ARHGAP42: variants seen among roughly 807,000 people sequenced by gnomAD.
The protein encoded by ARHGAP42 is Rho GTPase activating protein 42, also known as rho GTPase-activating protein 42.
Under a neutral mutation model 125.0 loss-of-function variants are expected in ARHGAP42, and 63 were observed. That is an observed-to-expected ratio of 0.50 (90% confidence interval 0.41 to 0.62). The LOEUF (loss-of-function observed/expected upper bound fraction) is 0.62, where lower values mean the gene tolerates loss of function less well. ARHGAP42 is among the 20% of genes least tolerant of loss of function. The pLI, the probability that ARHGAP42 is intolerant of heterozygous loss-of-function variation, is 0.00. For synonymous variants in ARHGAP42, 339 were observed against 351.0 expected (o/e 0.97, Z 0.38); for missense variants, 766 against 1,024.2 (o/e 0.75, Z 3.44).
intron 3 of ARHGAP42, among the ~76,000 whole-genome samples, chr11:100,852,669 G>A (rs1865231901): frequency 6.6e-6 from 1 of 152,284 alleles, no homozygotes; most frequent in South Asian, 2.1e-4. Flanking sequence ...GGGATGTACA[G>A]TGTCTCTGAT....
At chr11:100,722,852 C>G (rs1246784446) in intron 1 of ARHGAP42, among the ~76,000 whole-genome samples, 1 of 152,118 alleles carries the variant, frequency 6.6e-6, no homozygotes, top group Non-Finnish European at 1.5e-5. Flanking sequence ...GGTGTTATAT[C>G]TAACTTTGGG....
chr11:100,782,742 G>C (rs1234928462), intron 2 of ARHGAP42, among the ~76,000 whole-genome samples: 1 of 152,166 alleles, frequency 6.6e-6, no homozygotes, highest in African/African-American at 2.4e-5. Context: ...TCGTGATTCA[G>C]GGGGCAGTGG....
intron 4 of ARHGAP42, among the ~76,000 whole-genome samples, chr11:100,903,927 G>A (rs1246153266): frequency 6.6e-6 from 1 of 151,266 alleles, no homozygotes; most frequent in African/African-American, 2.4e-5. Context: ...ATGTAGGCTG[G>A]GAGACTAGGC....
chr11:100,863,740 T>C (rs1219269438), intron 4 of ARHGAP42, among the ~76,000 whole-genome samples: 1 of 152,204 alleles, frequency 6.6e-6, no homozygotes, highest in East Asian at 1.9e-4. Context: ...CTTAGTAAGA[T>C]GGTATATTCA....
At chr11:100,698,545 C>T (rs1348956968) in intron 1 of ARHGAP42, among the ~76,000 whole-genome samples, 2 of 152,088 alleles carry the variant, frequency 1.3e-5, no homozygotes, top group Non-Finnish European at 2.9e-5. Context: ...CATGGTGGCG[C>T]ATGCCTGTAA....
intron 4 of ARHGAP42, among the ~76,000 whole-genome samples, chr11:100,897,695 C>T (rs1375073449): frequency 6.6e-6 from 1 of 152,098 alleles, no homozygotes; most frequent in East Asian, 1.9e-4. Flanking sequence ...GATTATGTAT[C>T]CTGAGACTTT....
At chr11:100,790,914 A>C (rs1178782276) in intron 2 of ARHGAP42, among the ~76,000 whole-genome samples, 1 of 152,242 alleles carries the variant, frequency 6.6e-6, no homozygotes, top group East Asian at 1.9e-4. Context: ...GATAAATAAA[A>C]TACGAGGTAT....
At chr11:100,984,286 T>C (rs1390696737) in intron 22 of ARHGAP42, among the ~76,000 whole-genome samples, 2 of 152,040 alleles carry the variant, frequency 1.3e-5, no homozygotes, top group Non-Finnish European at 2.9e-5. Flanking sequence ...AGTTCTTCAA[T>C]AGCATTATCT....
intron 1 of ARHGAP42, among the ~76,000 whole-genome samples, chr11:100,756,983 TA>T (rs1819089208): frequency 6.6e-6 from 1 of 152,220 alleles, no homozygotes; most frequent in African/African-American, 2.4e-5. Flanking sequence ...ATAATAAAAA[TA>T]ATACTTTAAA....
chr11:100,779,539 C>T (rs1455100168), intron 2 of ARHGAP42, among the ~76,000 whole-genome samples: 1 of 130,168 alleles, frequency 7.7e-6, no homozygotes, highest in Non-Finnish European at 1.6e-5. Flanking sequence ...CGTATATATA[C>T]GTATATATAT....
At chr11:100,955,069 T>G (rs1282439477) in intron 12 of ARHGAP42, among the ~76,000 whole-genome samples, 4 of 152,128 alleles carry the variant, frequency 2.6e-5, no homozygotes, top group African/African-American at 9.7e-5. Context: ...AAATTGAAGG[T>G]GTAAGGACTT....
In ARHGAP42 at chr11:100,714,589, C is replaced by G. The variant is rs1448195490; in HGVS notation, c.154+26757C>G. Among the ~76,000 whole-genome samples, 3 of 152,154 alleles carry G rather than the reference C, an allele frequency of 2.0e-5. No homozygotes were observed. In the East Asian group the frequency reaches 5.8e-4, roughly 29 times the overall value. ...CATGTGACAGCCAGCCCTCTAACAT[C>G]TCGGGATAGTTTTTAGTTCTTGGAC... On this transcript the variant is annotated intron_variant, in intron 1 of 23. Transcript: ENST00000298815.
intron 3 of ARHGAP42, among the ~76,000 whole-genome samples, chr11:100,844,556 A>G (rs1274193563): frequency 6.6e-6 from 1 of 152,122 alleles, no homozygotes; most frequent in Non-Finnish European, 1.5e-5. Flanking sequence ...ACATCTGACA[A>G]AGGACTAATA....
At chr11:100,873,502 G>A (rs1399862920) in intron 4 of ARHGAP42, among the ~76,000 whole-genome samples, 2 of 152,182 alleles carry the variant, frequency 1.3e-5, no homozygotes, top group South Asian at 2.1e-4. Flanking sequence ...TTTAGCATGT[G>A]TATGTAAATG....
At chr11:100,940,704 A>G (rs1867859278) in intron 8 of ARHGAP42, among the ~76,000 whole-genome samples, 1 of 152,176 alleles carries the variant, frequency 6.6e-6, no homozygotes, top group Non-Finnish European at 1.5e-5. Flanking sequence ...ATTAGGAGTA[A>G]GAGGAAATAA....
At chr11:100,707,493 C>T (rs1447477622) in intron 1 of ARHGAP42, among the ~76,000 whole-genome samples, 1 of 152,146 alleles carries the variant, frequency 6.6e-6, no homozygotes, top group Non-Finnish European at 1.5e-5. Flanking sequence ...ATCATTTCTG[C>T]ATTCTATTAA....
In ARHGAP42 at chr11:100,992,174, G is replaced by C; in HGVS notation, c.*3373G>C. On this transcript the variant is annotated 3_prime_UTR_variant, in exon 24 of 24. Transcript: ENST00000298815. ...AAATTGTAGTGATACCTTAAATCAT[G>C]TATTCAGGATGCCTTCTTTAGCATT... The C allele has an allele frequency of 1.1e-6, 1 of 917,384 alleles. No homozygotes were observed. The highest frequency in any genetic ancestry group is 1.9e-5 in the South Asian group (1 of 53,882). 56.8% of individuals were successfully genotyped at this position (917,384 alleles called of 1,614,324 possible). A position where few individuals can be genotyped will look rare whatever the true frequency, so the allele number is the denominator to read the frequency against.
At chr11:100,752,802 T>C (rs985443953) in intron 1 of ARHGAP42, among the ~76,000 whole-genome samples, 3 of 152,220 alleles carry the variant, frequency 2.0e-5, no homozygotes, top group Non-Finnish European at 4.4e-5. Flanking sequence ...GACCTTCTGG[T>C]TAGCCAGGGT....
In ARHGAP42 at chr11:100,872,538, G is replaced by A. The variant is rs116859363; in HGVS notation, c.384+12913G>A. On this transcript the variant is annotated intron_variant, in intron 4 of 23. Coordinates refer to ENST00000298815, the MANE Select transcript of ARHGAP42 (RefSeq NM_152432.4). ...AGCTTCCCAAGTAGCTGGTATTATA[G>A]GTCTGCACCAAGCCTGGCTGGTTTT... 2.3e-3 allele frequency among the ~76,000 whole-genome samples: 356 copies of A among 152,140 alleles called. 8 individuals are homozygous for A. The East Asian group carries it at 0.034, about 14-fold the overall frequency.
Sources: allele counts gnomAD v4.1 joint callset (sites outside exome capture counted in the v4.1 genomes callset), GRCh38; gene constraint gnomAD v4.1.1; transcripts MANE v1.5; gene names NCBI Gene and HGNC (gene_info 2026-07-23, HGNC 2026-07-21).